TTPAL: variants seen among roughly 807,000 people sequenced by gnomAD.
TTPAL encodes the protein alpha tocopherol transfer protein like, also known as alpha-tocopherol transfer protein-like.
TTPAL carries 21 observed loss-of-function variants against 28.7 expected under a neutral mutation model. The ratio of observed to expected loss-of-function variants is 0.73; its 90% CI spans 0.52 to 1.06. The LOEUF is 1.06. TTPAL is among the 50% of genes least tolerant of loss of function. The probability of loss-of-function intolerance (pLI) is 0.00; values close to 1 mark genes in which losing one functional copy is unlikely to be tolerated. For synonymous variants in TTPAL, 169 were observed against 171.9 expected, an observed-to-expected ratio of 0.98 and a Z score of 0.13; for missense variants, 345 against 425.5, an observed-to-expected ratio of 0.81 and a Z score of 1.67.
At chr20:44,476,357 C>A (rs1025327869) in intron 1 of TTPAL, among the ~76,000 whole-genome samples, 2 of 152,200 alleles carry the variant, frequency 1.3e-5, no homozygotes, top group Non-Finnish European at 2.9e-5. Context: ...GTGACTGAGT[C>A]CTGCTGAGCG....
rs2064134966 is a variant in TTPAL, at chr20:44,484,533, A to G, written c.639+3A>G. On this transcript the variant is annotated splice_donor_region_variant and intron_variant, in intron 3 of 4. Coordinates refer to ENST00000262605, the MANE Select transcript of TTPAL (RefSeq NM_001039199.3). Reference sequence around the variant, plus strand: ...AAAAGGTGATTGGCATCCTCCAGGTAAGACCCGTATGTGTCCTGCCTGTTT... The same window carrying G: ...AAAAGGTGATTGGCATCCTCCAGGTGAGACCCGTATGTGTCCTGCCTGTTT... 6.4e-7 allele frequency: 1 copy of G among 1,563,046 alleles called. No individual in the cohort carries two copies. Among genetic ancestry groups the G allele is most frequent in the Non-Finnish European group, 8.8e-7 (1 of 1,140,496 alleles).
chr20:44,489,552 A>C lies in TTPAL; in HGVS notation c.*11A>C. On this transcript the variant is annotated 3_prime_UTR_variant, in exon 5 of 5. Transcript: ENST00000262605. ...TACTCCTGCTACTAGCCCGTCCCCC[A>C]GGGTCACCATCTTTAATTCTTTTCC... is the stretch of plus-strand genomic sequence containing the variant. 6.2e-7 allele frequency: 1 copy of C among 1,608,110 alleles called. No individual in the cohort carries two copies. The highest frequency in any genetic ancestry group is 2.2e-5 in the East Asian group (1 of 44,760).
At chr20:44,485,059 G>A (rs565959449) in intron 3 of TTPAL, among the ~76,000 whole-genome samples, 2 of 152,284 alleles carry the variant, frequency 1.3e-5, no homozygotes, top group Non-Finnish European at 2.9e-5. Context: ...GTTGCAGTGA[G>A]CTGAGATCGC....
chr20:44,481,225 G>T (rs1324829138), intron 2 of TTPAL, among the ~76,000 whole-genome samples: 1 of 152,032 alleles, frequency 6.6e-6, no homozygotes, highest in Admixed American at 6.6e-5. Context: ...ACGAATGGGG[G>T]CTCCCTGCCA....
chr20:44,477,691 G>C (rs115855459), intron 1 of TTPAL, among the ~76,000 whole-genome samples: 10,967 of 151,888 alleles, frequency 0.072, 425 homozygotes, highest in South Asian at 0.14. Flanking sequence ...GTCTCGCCCT[G>C]TCGCCCAAGC....
intron 4 of TTPAL, among the ~76,000 whole-genome samples, chr20:44,488,144 G>A (rs1026769658): frequency 6.6e-6 from 1 of 152,294 alleles, no homozygotes; most frequent in Admixed American, 6.5e-5. Context: ...TCCAGCTCCA[G>A]ATTCCTAGGC....
At chr20:44,476,265 TG>T (rs1300750307) in intron 1 of TTPAL, among the ~76,000 whole-genome samples, 1 of 151,740 alleles carries the variant, frequency 6.6e-6, no homozygotes, top group African/African-American at 2.4e-5. Flanking sequence ...GGGCTCCAGG[TG>T]GGGGAGATCT....
intron 1 of TTPAL, among the ~76,000 whole-genome samples, chr20:44,476,884 A>T (rs1439670059): frequency 6.6e-6 from 1 of 152,152 alleles, no homozygotes; most frequent in Non-Finnish European, 1.5e-5. Flanking sequence ...GCGTGGTGAA[A>T]CTGACTCTAG....
chr20:44,486,668 A>G lies in TTPAL; in HGVS notation c.712A>G (p.Ile238Val), dbSNP rs1254482030. The G allele has an allele frequency of 6.2e-7, 1 of 1,613,074 alleles. No individual in the cohort carries two copies. Among genetic ancestry groups the G allele is most frequent in the Admixed American group, 1.7e-5 (1 of 59,908 alleles). ...EPRIFKGIFA[I>V]IKPFLKEKIA... Reference sequence around the variant, plus strand: ...TCGAATATTTAAAGGCATTTTTGCCATCATAAAACCATTTCTAAAGGAGAA... The same window carrying G: ...TCGAATATTTAAAGGCATTTTTGCCGTCATAAAACCATTTCTAAAGGAGAA... The change falls in exon 4 of 5, where the codon ATC becomes GTC. Residue 238 changes from isoleucine to valine, a missense_variant. Physicochemically the swap from Ile to Val is conservative, Grantham distance 29. Transcript: ENST00000262605.
intron 4 of TTPAL, among the ~76,000 whole-genome samples, chr20:44,487,916 G>T (rs973830384): frequency 6.6e-6 from 1 of 152,172 alleles, no homozygotes; most frequent in African/African-American, 2.4e-5. Flanking sequence ...TTACAGGCAC[G>T]TGCCACCACG....
chr20:44,479,393 TGAG>T (rs1207491237), intron 1 of TTPAL, among the ~76,000 whole-genome samples: 2 of 146,278 alleles, frequency 1.4e-5, no homozygotes, highest in East Asian at 4.2e-4. Flanking sequence ...AATCTGAATC[TGAG>T]TTGTTTTTTT....
chr20:44,493,866 A>C lies in TTPAL; in HGVS notation c.*4325A>C, dbSNP rs2064230121. Reference sequence around the variant, plus strand: ...AGCCTGGCCAACATGGTGAAACCCCATCTCTACTAAAAAGTACAAAAATTA... The same window carrying C: ...AGCCTGGCCAACATGGTGAAACCCCCTCTCTACTAAAAAGTACAAAAATTA... On this transcript the variant is annotated 3_prime_UTR_variant, in exon 5 of 5. Coordinates refer to ENST00000262605, the MANE Select transcript of TTPAL (RefSeq NM_001039199.3). The C allele has an allele frequency of 6.6e-6, 1 of 152,172 alleles. No individual in the cohort carries two copies. Among genetic ancestry groups the C allele is most frequent in the African/African-American group, 2.4e-5 (1 of 41,390 alleles). The allele number at this position is 152,172 out of a possible 1,614,324, so 9.4% of individuals were successfully genotyped here. A position where few individuals can be genotyped will look rare whatever the true frequency, so the allele number is the denominator to read the frequency against.
chr20:44,478,184 C>T (rs147604104), intron 1 of TTPAL, among the ~76,000 whole-genome samples: 105 of 152,262 alleles, frequency 6.9e-4, no homozygotes, highest in African/African-American at 2.4e-3. Flanking sequence ...TGAGGTTAGA[C>T]GTGCTAGAAA....
intron 1 of TTPAL, among the ~76,000 whole-genome samples, chr20:44,476,612 A>C (rs1304465916): frequency 1.3e-5 from 2 of 152,248 alleles, no homozygotes; most frequent in Admixed American, 6.5e-5. Flanking sequence ...TCTAGGGGAC[A>C]GTCCTTTTTG....
At position 44,483,224 on chromosome 20, in the gene TTPAL, T is replaced by C. The variant is rs114855037; in HGVS notation, c.446-1113T>C. 3.3e-3 allele frequency among the ~76,000 whole-genome samples: 506 copies of C among 152,256 alleles called. 5 individuals are homozygous for C. The highest frequency in any genetic ancestry group is 0.012 in the African/African-American group (490 of 41,554). On this transcript the variant is annotated intron_variant, in intron 2 of 4. Transcript: ENST00000262605. ...GCTGAAACAAACAAAAAAACCTCAGTTGCTCAGATAACTGAGGTCTAGCCG... is the reference window on the plus strand; with the variant it reads ...GCTGAAACAAACAAAAAAACCTCAGCTGCTCAGATAACTGAGGTCTAGCCG...
intron 3 of TTPAL, among the ~76,000 whole-genome samples, chr20:44,485,428 C>G (rs1212353457): frequency 6.6e-6 from 1 of 152,068 alleles, no homozygotes; most frequent in Non-Finnish European, 1.5e-5. Flanking sequence ...AGATGGAGAC[C>G]TAGAGAAAAT....
At chr20:44,477,527 T>G (rs747511863) in intron 1 of TTPAL, among the ~76,000 whole-genome samples, 7 of 152,170 alleles carry the variant, frequency 4.6e-5, no homozygotes, top group Non-Finnish European at 7.3e-5. Flanking sequence ...ATCTCTCAGC[T>G]GGATTATTGC....
chr20:44,479,950 C>A, intron 1 of TTPAL, 35 bp from the exon 2 acceptor site: 1 of 1,557,070 alleles, frequency 6.4e-7, no homozygotes, highest in Admixed American at 1.7e-5. Flanking sequence ...GAAATAAGCA[C>A]TTGTTAACTT....
chr20:44,477,621 TTTTA>T (rs762030503), intron 1 of TTPAL, among the ~76,000 whole-genome samples: 299 of 151,644 alleles, frequency 2.0e-3, no homozygotes, highest in Non-Finnish European at 3.6e-3. Context: ...TAAAATATAT[TTTTA>T]TTTATTTATC....
Sources: gnomAD v4.1 joint callset for allele counts (sites outside exome capture counted in the v4.1 genomes callset) on GRCh38, gnomAD v4.1.1 for gene constraint, MANE v1.5 for transcripts, NCBI Gene and HGNC (gene_info 2026-07-23, HGNC 2026-07-21) for gene names.